Variants in NDUFAF6 observed in about 807,000 individuals in gnomAD.
NDUFAF6 encodes NADH dehydrogenase (ubiquinone) complex I, assembly factor 6.
A neutral mutation model predicts 40.8 loss-of-function variants in NDUFAF6; 45 were observed. That is an observed-to-expected ratio of 1.10 (90% confidence interval 0.87 to 1.42). The LOEUF (loss-of-function observed/expected upper bound fraction) is 1.42. Ranked by LOEUF, NDUFAF6 falls within the 40% of genes most tolerant of loss-of-function variation. The pLI, the probability that NDUFAF6 is intolerant of heterozygous loss-of-function variation, is 0.00. For synonymous variants in NDUFAF6, 185 were observed against 155.9 expected, an observed-to-expected ratio of 1.19 and a Z score of -1.39; for missense variants, 435 against 418.5, an observed-to-expected ratio of 1.04 and a Z score of -0.34.
chr8:95,096,907 C>T (rs16917325), upstream of NDUFAF6, among the ~76,000 whole-genome samples: 32,573 of 152,118 alleles, frequency 0.21, 4,336 homozygotes, highest in African/African-American at 0.38. Context: ...CCATTTTCCT[C>T]GTAATTGCCA....
chr8:94,940,219 A>G, intron 1 of NDUFAF6: 1 of 1,604,784 alleles, frequency 6.2e-7, no homozygotes, highest in Non-Finnish European at 8.5e-7. Flanking sequence ...CAGTGCAAGT[A>G]TCTAGATCGT....
intron 1 of NDUFAF6, among the ~76,000 whole-genome samples, chr8:94,898,034 G>T (rs183230518): frequency 6.6e-6 from 1 of 152,082 alleles, no homozygotes; most frequent in South Asian, 2.1e-4. Flanking sequence ...AACATTAATA[G>T]ACTTTATTTT....
chr8:95,088,378 G>A (rs1388869831), intron 2 of NDUFAF6, among the ~76,000 whole-genome samples: 1 of 152,212 alleles, frequency 6.6e-6, no homozygotes, highest in African/African-American at 2.4e-5. Flanking sequence ...AAGGATCAAA[G>A]TCATTACCTT....
chr8:95,006,762 CCCAGCTA>C lies in NDUFAF6; in HGVS notation c.-83-25231_-83-25225del, dbSNP rs551373354. 2.9e-3 allele frequency among the ~76,000 whole-genome samples: 444 copies of C among 152,164 alleles called. 1 individual carries two copies. Among genetic ancestry groups the C allele is most frequent in the African/African-American group, 9.6e-3 (400 of 41,516 alleles). Reference sequence around the variant, plus strand: ...GGGTGTAGTGGTGCACGCCTGCATTCCCAGCTACTCAGGAGGCTGAGGTGGGAGGTTG... The same window carrying C: ...GGGTGTAGTGGTGCACGCCTGCATTCCTCAGGAGGCTGAGGTGGGAGGTTG... On this transcript the variant is annotated intron_variant, in intron 2 of 9. Transcript: ENST00000396111.
chr8:95,049,074 G>A (rs1211159637), intron 7 of NDUFAF6, among the ~76,000 whole-genome samples: 1 of 152,056 alleles, frequency 6.6e-6, no homozygotes, highest in African/African-American at 2.4e-5. Flanking sequence ...CTGTTACCTC[G>A]GGCCCTTTCC....
At chr8:95,017,576 C>G (rs1428510437) in intron 2 of NDUFAF6, among the ~76,000 whole-genome samples, 3 of 152,166 alleles carry the variant, frequency 2.0e-5, no homozygotes. Context: ...TTCTACCAAC[C>G]CTTAGGTGTT....
intron 1 of NDUFAF6, among the ~76,000 whole-genome samples, chr8:94,920,567 C>T (rs149080576): frequency 1.3e-3 from 205 of 152,316 alleles, no homozygotes; most frequent in African/African-American, 4.7e-3. Flanking sequence ...GTACATGAAC[C>T]CCAGTATGCA....
chr8:95,086,919 G>A (rs1397852875), intron 2 of NDUFAF6, among the ~76,000 whole-genome samples: 1 of 152,056 alleles, frequency 6.6e-6, no homozygotes, highest in African/African-American at 2.4e-5. Flanking sequence ...TGTCTCTTGA[G>A]TGCCTTCTCC....
chr8:95,028,421 A>G (rs1828434470), intron 1 of NDUFAF6, among the ~76,000 whole-genome samples: 1 of 152,240 alleles, frequency 6.6e-6, no homozygotes, highest in Non-Finnish European at 1.5e-5. Flanking sequence ...TATAACGATG[A>G]TCCTAAGTGA....
At chr8:94,910,647 C>T (rs1242609704) in intron 1 of NDUFAF6, among the ~76,000 whole-genome samples, 1 of 152,182 alleles carries the variant, frequency 6.6e-6, no homozygotes, top group Admixed American at 6.5e-5. Context: ...CATTGTTTGG[C>T]CTTGCATATC....
chr8:95,102,613 T>A (rs1232734767), intron 2 of NDUFAF6, among the ~76,000 whole-genome samples: 1 of 152,192 alleles, frequency 6.6e-6, no homozygotes, highest in African/African-American at 2.4e-5. Flanking sequence ...ATCTCTAGGA[T>A]GCTCAGGAAA....
upstream of NDUFAF6, among the ~76,000 whole-genome samples, chr8:95,021,229 G>A (rs1025462325): frequency 1.3e-4 from 19 of 151,976 alleles, no homozygotes; most frequent in African/African-American, 4.6e-4. Context: ...TGTAGAGGCC[G>A]TAGGTGGCTG....
chr8:94,916,368 T>C (rs954201285), intron 1 of NDUFAF6, among the ~76,000 whole-genome samples: 1 of 152,162 alleles, frequency 6.6e-6, no homozygotes. Context: ...AGTCTATCAG[T>C]CTGAAGGGGT....
chr8:95,028,859 A>T (rs947858899), intron 1 of NDUFAF6, among the ~76,000 whole-genome samples: 1 of 152,212 alleles, frequency 6.6e-6, no homozygotes, highest in Non-Finnish European at 1.5e-5. Context: ...TTTATGGCAA[A>T]ATACAATTTA....
chr8:95,116,079 A>G (rs964951554), intron 5 of NDUFAF6, among the ~76,000 whole-genome samples: 1 of 152,090 alleles, frequency 6.6e-6, no homozygotes, highest in Non-Finnish European at 1.5e-5. Context: ...CGGAGGTTGC[A>G]GTGAGCCAAG....
chr8:95,008,353 G>A lies in NDUFAF6; in HGVS notation c.-83-23642G>A, dbSNP rs567885107. 2.5e-3 allele frequency among the ~76,000 whole-genome samples: 381 copies of A among 152,286 alleles called. 4 individuals are homozygous for A. The highest frequency in any genetic ancestry group is 8.7e-3 in the African/African-American group (363 of 41,560). ...CAGCAAAGGGCAGATTCTAAGATCA[G>A]TCTCTCTCCCAAATGGTAAAGCCTA... On this transcript the variant is annotated intron_variant, in intron 2 of 9. Transcript: ENST00000396111.
chr8:95,009,376 A>G (rs916005452), intron 2 of NDUFAF6, among the ~76,000 whole-genome samples: 10 of 151,468 alleles, frequency 6.6e-5, no homozygotes, highest in Admixed American at 1.3e-4. Flanking sequence ...TACCGTTTCA[A>G]CTGTAGTCAC....
intron 1 of NDUFAF6, chr8:94,940,366 C>T (rs181057921): frequency 3.8e-5 from 35 of 915,418 alleles, no homozygotes; most frequent in South Asian, 5.4e-5. Flanking sequence ...CTGATGCTCA[C>T]GTATCTTCTT....
chr8:95,004,833 C>G (rs1245902760), intron 2 of NDUFAF6, among the ~76,000 whole-genome samples: 1 of 152,240 alleles, frequency 6.6e-6, no homozygotes, highest in Admixed American at 6.5e-5. Flanking sequence ...CCACATGATC[C>G]ATCTGTTCTG....
Sources: allele counts gnomAD v4.1 joint callset (sites outside exome capture counted in the v4.1 genomes callset), GRCh38; gene constraint gnomAD v4.1.1; transcripts MANE v1.5; gene names NCBI Gene and HGNC (gene_info 2026-07-23, HGNC 2026-07-21).